RRP1: variants seen among roughly 807,000 people sequenced by gnomAD.
RRP1 encodes ribosomal RNA processing 1.
In RRP1, 37 loss-of-function variants were observed where a neutral mutation model predicts 54.6. That is an observed-to-expected ratio of 0.68 (90% CI 0.52 to 0.89). RRP1 has a LOEUF of 0.89. RRP1 is among the 40% of genes least tolerant of loss of function. RRP1 has a pLI of 0.00. For synonymous variants in RRP1, 262 were observed against 244.3 expected (o/e 1.07, Z -0.67); for missense variants, 639 against 612.5 (o/e 1.04, Z -0.46).
In RRP1 at chr21:43,799,583, G is replaced by A. The variant is rs762153231; in HGVS notation, c.825G>A (p.Arg275=). The change falls in exon 9 of 13, where the codon AGG becomes AGA. Residue 275 remains arginine (R), a synonymous_variant. Transcript: ENST00000497547. ...SEKPPAGSIC[R]AEPEAGEEQA... ...CTTTTGTTCCAGGCTCCATCTGCAG[G>A]GCTGAACCTGAGGCTGGTGAGGAGC... 1 of 1,612,008 alleles carries A rather than the reference G, an allele frequency of 6.2e-7. No individual in the cohort carries two copies. The highest frequency in any genetic ancestry group is 8.5e-7 in the Non-Finnish European group (1 of 1,179,806).
At chr21:43,790,378 C>G (rs1307965779) in intron 1 of RRP1, 2 of 153,068 alleles carry the variant, frequency 1.3e-5, no homozygotes, top group Non-Finnish European at 2.9e-5. Context: ...GGCAACATAG[C>G]AAGACTCCAT....
chr21:43,803,866 C>T lies in RRP1; in HGVS notation c.*92C>T, dbSNP rs957719624. On this transcript the variant is annotated 3_prime_UTR_variant, in exon 13 of 13. Coordinates refer to ENST00000497547, the MANE Select transcript of RRP1 (RefSeq NM_003683.6). ...CCGGGCTGTTCTGTAGACTCAGGACCGTGGCTCCAGAACTCCTGTGCCAGG... is the reference window on the plus strand; with the variant it reads ...CCGGGCTGTTCTGTAGACTCAGGACTGTGGCTCCAGAACTCCTGTGCCAGG... The T allele has an allele frequency of 1.3e-5, 18 of 1,412,458 alleles. No individual in the cohort carries two copies. The Admixed American group carries it at 1.4e-4, about 11-fold the overall frequency. The allele number at this position is 1,412,458 out of a possible 1,614,324, so 87.5% of individuals were successfully genotyped here.
intron 11 of RRP1, among the ~76,000 whole-genome samples, chr21:43,801,184 A>G (rs1188852004): frequency 6.6e-6 from 1 of 152,216 alleles, no homozygotes; most frequent in Non-Finnish European, 1.5e-5. Flanking sequence ...GTTGGGCAGC[A>G]CACGTCTGTT....
Position 43,795,235 on chromosome 21 carries a change from A to G in RRP1, c.407A>G (p.Gln136Arg), listed in dbSNP as rs760248566. 1 of 1,613,856 alleles carries G rather than the reference A, an allele frequency of 6.2e-7. No homozygotes were observed. The highest frequency in any genetic ancestry group is 1.3e-5 in the African/African-American group (1 of 74,832). ...LNESLKVLKM[Q>R]GWEERQIEEL... ...GAGTCCTTGAAGGTTCTGAAGATGC[A>G]AGGCTGGGAAGAAAGGTGGGTGCGC... Residue 136 changes from glutamine to arginine, a missense_variant, in exon 5 of 13, where the codon CAA (glutamine) becomes CGA (arginine). Physicochemically the swap from Gln to Arg is conservative, Grantham distance 43. Transcript: ENST00000497547.
chr21:43,797,352 G>A (rs1569015203), intron 5 of RRP1, 70 bp from the exon 6 acceptor site: 40 of 1,540,272 alleles, frequency 2.6e-5, no homozygotes, highest in Non-Finnish European at 3.2e-5. Context: ...GTAACCATGG[G>A]AGAGTGGGGG....
At chr21:43,790,159 C>T (rs1194410834) in intron 1 of RRP1, among the ~76,000 whole-genome samples, 2 of 152,258 alleles carry the variant, frequency 1.3e-5, no homozygotes. Context: ...CCGATTTCCA[C>T]TCGAGAGTAC....
Position 43,797,413 on chromosome 21 carries a change from T to C in RRP1, c.423-9T>C, listed in dbSNP as rs2085031161. 1.2e-6 allele frequency: 2 copies of C among 1,604,736 alleles called. No individual in the cohort carries two copies. The highest frequency in any genetic ancestry group is 1.3e-5 in the African/African-American group (1 of 74,700). ...GGCTGCCTGTCATGTTTGCTTTTTC[T>C]TTCCTCAGACAGATCGAGGAGCTGC... On this transcript the variant is annotated splice_polypyrimidine_tract_variant and intron_variant, in intron 5 of 12. Coordinates refer to ENST00000497547, the MANE Select transcript of RRP1 (RefSeq NM_003683.6).
chr21:43,803,082 G>C (rs982593164), intron 12 of RRP1, among the ~76,000 whole-genome samples: 2 of 152,228 alleles, frequency 1.3e-5, no homozygotes, highest in African/African-American at 4.8e-5. Context: ...CCCTTCCCTT[G>C]CCCAGAGCTC....
At chr21:43,796,767 A>C (rs1351996410) in intron 5 of RRP1, among the ~76,000 whole-genome samples, 1 of 152,166 alleles carries the variant, frequency 6.6e-6, no homozygotes, top group Admixed American at 6.5e-5. Flanking sequence ...GATCTGAGTT[A>C]GGCAGCTGCG....
At position 43,805,276 on chromosome 21, in the gene RRP1, CAAA is replaced by C. The variant is rs59150143; in HGVS notation, c.*1517_*1519del. The C allele has an allele frequency of 1.1e-3, 132 of 119,486 alleles. No individual in the cohort carries two copies. Among genetic ancestry groups the C allele is most frequent in the African/African-American group, 3.4e-3 (116 of 33,860 alleles). 7.4% of individuals were successfully genotyped at this position (119,486 alleles called of 1,614,324 possible). A position where few individuals can be genotyped will look rare whatever the true frequency, so the allele number is the denominator to read the frequency against. The stretch of plus-strand genomic sequence containing the variant: ...GGGCAACGAGAGGGAAACTCTGTTT[CAAA>C]AAAAAAAAAAAAAAGACAAGCGTGT... On this transcript the variant is annotated 3_prime_UTR_variant, in exon 13 of 13. Coordinates refer to ENST00000497547, the MANE Select transcript of RRP1 (RefSeq NM_003683.6).
intron 8 of RRP1, 63 bp downstream of exon 8, chr21:43,798,163 T>A: frequency 1.4e-6 from 2 of 1,431,102 alleles, no homozygotes; most frequent in Non-Finnish European, 1.9e-6. Context: ...CAGTGCGATC[T>A]CCTGCTGGGT....
chr21:43,801,806 C>T (rs1179593331), intron 11 of RRP1, among the ~76,000 whole-genome samples: 3 of 152,202 alleles, frequency 2.0e-5, no homozygotes, highest in African/African-American at 4.8e-5. Context: ...AGGCTGTAGA[C>T]TTTGGTGTAC....
At chr21:43,803,471 G>T (rs1472897191) in intron 12 of RRP1, 41 bp from the exon 13 acceptor site, 15 of 1,509,186 alleles carry the variant, frequency 9.9e-6, no homozygotes, top group Non-Finnish European at 1.2e-5. Context: ...AAGAGCCCGT[G>T]TTGGCATTCT....
At chr21:43,799,529 G>T in intron 8 of RRP1, 41 bp from the exon 9 acceptor site, 1 of 1,586,694 alleles carries the variant, frequency 6.3e-7, no homozygotes, top group South Asian at 1.1e-5. Flanking sequence ...GCCAGCACAC[G>T]TTGGGCACAG....
rs759482345 is a variant in RRP1, at chr21:43,798,106, G to A, written c.811+6G>A. 1 of 1,603,556 alleles carries A rather than the reference G, an allele frequency of 6.2e-7. No individual in the cohort carries two copies. Among genetic ancestry groups the A allele is most frequent in the Non-Finnish European group, 8.5e-7 (1 of 1,174,420 alleles). On this transcript the variant is annotated splice_donor_region_variant and intron_variant, in intron 8 of 12. Coordinates refer to ENST00000497547, the MANE Select transcript of RRP1 (RefSeq NM_003683.6). ...GTCTGAGAAGCCGCCCGCAGGTGGGGGTCACACTGCGCCTGGCTTCTCCTC... is the reference window on the plus strand; with the variant it reads ...GTCTGAGAAGCCGCCCGCAGGTGGGAGTCACACTGCGCCTGGCTTCTCCTC...
intron 5 of RRP1, among the ~76,000 whole-genome samples, chr21:43,795,998 A>G (rs185946644): frequency 4.6e-5 from 7 of 152,264 alleles, no homozygotes; most frequent in African/African-American, 1.4e-4. Context: ...AAATTAGATA[A>G]ATGCATAGAA....
Position 43,800,615 on chromosome 21 carries a change from G to T in RRP1, c.989+1G>T. On this transcript the variant is annotated splice_donor_variant, in intron 10 of 12. Coordinates refer to ENST00000497547, the MANE Select transcript of RRP1 (RefSeq NM_003683.6). LOFTEE classifies it high-confidence loss of function. The stretch of plus-strand genomic sequence containing the variant: ...AGCGTCTCTACAAAGTGATCCGGAA[G>T]TGAGTGTGTGAGGGCGCTGCGTCCT... 1 of 1,613,790 alleles carries T rather than the reference G, an allele frequency of 6.2e-7. No individual in the cohort carries two copies. Among genetic ancestry groups the T allele is most frequent in the Non-Finnish European group, 8.5e-7 (1 of 1,179,648 alleles).
intron 8 of RRP1, 74 bp from the exon 9 acceptor site, chr21:43,799,496 C>G: frequency 6.8e-7 from 1 of 1,471,204 alleles, no homozygotes; most frequent in Non-Finnish European, 9.4e-7. Flanking sequence ...ACGGAGCGGG[C>G]TCTCCATTCC....
intron 5 of RRP1, among the ~76,000 whole-genome samples, chr21:43,796,611 C>T (rs2838375): frequency 0.17 from 26,043 of 152,080 alleles, 2,887 homozygotes; most frequent in East Asian, 0.47. Flanking sequence ...CGGTCCCTTG[C>T]ATCTGTGTGT....
Sources: gnomAD v4.1 joint callset for allele counts (sites outside exome capture counted in the v4.1 genomes callset) on GRCh38, gnomAD v4.1.1 for gene constraint, MANE v1.5 for transcripts, NCBI Gene and HGNC (gene_info 2026-07-23, HGNC 2026-07-21) for gene names.